Variants in ULK4 observed in about 807,000 individuals in gnomAD.
ULK4 encodes the protein inactive serine/threonine-protein kinase ULK4.
Under a neutral mutation model 160.6 loss-of-function variants are expected in ULK4, and 133 were observed. The ratio of observed to expected loss-of-function variants is 0.83; its 90% CI spans 0.72 to 0.96. ULK4 has a LOEUF of 0.96. Ranked by LOEUF, ULK4 falls within the 40% of genes least tolerant of loss-of-function variation. ULK4 has a pLI of 0.00. For synonymous variants in ULK4, 534 were observed against 539.8 expected, an observed-to-expected ratio of 0.99 and a Z score of 0.15; for missense variants, 1,580 against 1,499.5, an observed-to-expected ratio of 1.05 and a Z score of -0.89.
At chr3:41,522,348 C>G (rs1004212236) in intron 32 of ULK4, among the ~76,000 whole-genome samples, 3 of 152,002 alleles carry the variant, frequency 2.0e-5, no homozygotes, top group African/African-American at 7.2e-5. Flanking sequence ...CCATGTTGGC[C>G]AGGCTGGTCT....
At chr3:41,362,870 C>T (rs993814304) in intron 35 of ULK4, among the ~76,000 whole-genome samples, 17 of 152,250 alleles carry the variant, frequency 1.1e-4, no homozygotes, top group African/African-American at 3.9e-4. Flanking sequence ...AGCTTCACGA[C>T]AGCTCAGAAG....
At chr3:41,757,673 G>A (rs191067725) in intron 21 of ULK4, among the ~76,000 whole-genome samples, 19 of 145,408 alleles carry the variant, frequency 1.3e-4, no homozygotes, top group African/African-American at 4.9e-4. Context: ...TCACTCTGTC[G>A]CCCAGGCTGG....
At chr3:41,348,302 G>A (rs1443703333) in intron 35 of ULK4, among the ~76,000 whole-genome samples, 3 of 151,548 alleles carry the variant, frequency 2.0e-5, no homozygotes, top group South Asian at 4.2e-4. Flanking sequence ...TGACACAGGC[G>A]TAGCATTCAC....
intron 35 of ULK4, among the ~76,000 whole-genome samples, chr3:41,373,796 C>A (rs916918192): frequency 6.6e-6 from 1 of 152,036 alleles, no homozygotes; most frequent in East Asian, 1.9e-4. Flanking sequence ...CACAGCAAAA[C>A]TGAAAAAGGT....
At chr3:41,370,522 G>T (rs1245038906) in intron 35 of ULK4, among the ~76,000 whole-genome samples, 2 of 152,172 alleles carry the variant, frequency 1.3e-5, no homozygotes, top group Admixed American at 1.3e-4. Context: ...GCCAAAGCAG[G>T]GTGGGGCATT....
At chr3:41,268,748 T>A (rs530792009) in intron 35 of ULK4, among the ~76,000 whole-genome samples, 1 of 136,802 alleles carries the variant, frequency 7.3e-6, no homozygotes, top group African/African-American at 2.8e-5. Context: ...GAGGCTGCAG[T>A]GAGCCGAGAT....
At chr3:41,932,171 T>G (rs543777341) in intron 4 of ULK4, among the ~76,000 whole-genome samples, 165 bp from the exon 5 acceptor site, 1 of 152,274 alleles carries the variant, frequency 6.6e-6, no homozygotes, top group East Asian at 1.9e-4. Context: ...GAAAAATAAA[T>G]CCAACTTTTT....
At chr3:41,647,195 T>G (rs1372742207) in intron 30 of ULK4, among the ~76,000 whole-genome samples, 3 of 152,198 alleles carry the variant, frequency 2.0e-5, no homozygotes, top group Non-Finnish European at 2.9e-5. Context: ...TCTCAACTCG[T>G]CAAAGTCATT....
At chr3:41,683,709 A>C (rs926917908) in intron 27 of ULK4, among the ~76,000 whole-genome samples, 1 of 151,980 alleles carries the variant, frequency 6.6e-6, no homozygotes, top group African/African-American at 2.4e-5. Flanking sequence ...ATTCAGCCTC[A>C]GTAGACACCC....
chr3:41,597,867 A>G (rs749471076), intron 31 of ULK4, among the ~76,000 whole-genome samples: 2 of 152,222 alleles, frequency 1.3e-5, no homozygotes, highest in Non-Finnish European at 2.9e-5. Context: ...GCAATTTGCA[A>G]TGCAACACGT....
At chr3:41,677,324 GTTCA>G (rs1670956449) in intron 29 of ULK4, among the ~76,000 whole-genome samples, 1 of 149,068 alleles carries the variant, frequency 6.7e-6, no homozygotes, top group East Asian at 2.0e-4. Flanking sequence ...ATACTTTAAA[GTTCA>G]TTCATTTTTT....
At chr3:41,612,251 C>A (rs1003626365) in intron 31 of ULK4, among the ~76,000 whole-genome samples, 1 of 152,064 alleles carries the variant, frequency 6.6e-6, no homozygotes, top group Non-Finnish European at 1.5e-5. Flanking sequence ...ACTGACCTAG[C>A]CTTCCCCTTC....
chr3:41,559,719 A>C (rs2087486300), intron 32 of ULK4, among the ~76,000 whole-genome samples: 1 of 151,702 alleles, frequency 6.6e-6, no homozygotes, highest in African/African-American at 2.4e-5. Flanking sequence ...TTTTTGATGG[A>C]GTTGTTTATT....
intron 31 of ULK4, among the ~76,000 whole-genome samples, chr3:41,570,138 C>A (rs2087920956): frequency 6.6e-6 from 1 of 152,198 alleles, no homozygotes. Flanking sequence ...AAACTGCTTT[C>A]TCAGCAGATT....
intron 22 of ULK4, among the ~76,000 whole-genome samples, chr3:41,724,178 G>A (rs577642934): frequency 5.0e-4 from 76 of 152,176 alleles, no homozygotes; most frequent in Admixed American, 1.6e-3. Context: ...GTAGTGTTCC[G>A]GTATGTGAAT....
chr3:41,875,779 T>C (rs1697275167), intron 17 of ULK4, among the ~76,000 whole-genome samples: 1 of 152,050 alleles, frequency 6.6e-6, no homozygotes. Flanking sequence ...ATGCTCTTAT[T>C]GCATACATCA....
chr3:41,365,218 C>T (rs958996372), intron 35 of ULK4, among the ~76,000 whole-genome samples: 1 of 152,130 alleles, frequency 6.6e-6, no homozygotes, highest in Admixed American at 6.6e-5. Flanking sequence ...ATGAGTGTTT[C>T]TTCACATCAC....
chr3:41,961,443 A>G (rs550965706), intron 1 of ULK4, among the ~76,000 whole-genome samples: 1 of 151,660 alleles, frequency 6.6e-6, no homozygotes, highest in East Asian at 1.9e-4. Context: ...ATCAACCCCG[A>G]GATGTAACCG....
intron 30 of ULK4, among the ~76,000 whole-genome samples, chr3:41,657,983 CA>C (rs1380844999): frequency 2.0e-5 from 3 of 151,952 alleles, no homozygotes; most frequent in Non-Finnish European, 4.4e-5. Flanking sequence ...AGACCACTTA[CA>C]AAAATTGACC....
Sources: allele counts gnomAD v4.1 joint callset (sites outside exome capture counted in the v4.1 genomes callset), GRCh38; gene constraint gnomAD v4.1.1; transcripts MANE v1.5; gene names NCBI Gene and HGNC (gene_info 2026-07-23, HGNC 2026-07-21).